Variants in ABCA8 observed in about 807,000 individuals in gnomAD.
ABCA8 encodes the protein ATP binding cassette subfamily A member 8, also known as ABC-type organic anion transporter ABCA8.
ABCA8 carries 177 observed loss-of-function variants against 192.3 expected under a neutral mutation model. The observed-to-expected ratio is 0.92, with a 90% CI of 0.81 to 1.04. ABCA8 has a LOEUF of 1.04. Among genes scored for constraint, ABCA8 ranks in the 50% least tolerant of loss-of-function variants. ABCA8 has a pLI of 0.00. For missense variants in ABCA8, 1,915 were observed against 1,904.8 expected (o/e 1.01, Z -0.10); for synonymous variants, 642 against 690.2 (o/e 0.93, Z 1.09).
intron 14 of ABCA8, among the ~76,000 whole-genome samples, 183 bp from the exon 15 acceptor site, chr17:68,918,729 C>G (rs1048749080): frequency 6.6e-6 from 1 of 151,942 alleles, no homozygotes; most frequent in Non-Finnish European, 1.5e-5. Context: ...GTGAGGAGTT[C>G]GAGACCAGCC....
chr17:68,907,983 A>C, intron 17 of ABCA8, 104 bp from the exon 18 acceptor site: 1 of 1,091,346 alleles, frequency 9.2e-7, no homozygotes, highest in Non-Finnish European at 1.2e-6. Context: ...ATCAATTAAA[A>C]TCTAATGCCA....
At chr17:68,915,995 C>G (rs953070680) in intron 17 of ABCA8, among the ~76,000 whole-genome samples, 2 of 152,046 alleles carry the variant, frequency 1.3e-5, no homozygotes, top group Non-Finnish European at 2.9e-5. Flanking sequence ...GAATGGAGAT[C>G]ATTATATTAA....
intron 5 of ABCA8, among the ~76,000 whole-genome samples, chr17:68,935,262 T>TTGTGTG (rs71144641): frequency 0.016 from 2,111 of 136,036 alleles, 57 homozygotes; most frequent in East Asian, 0.11. Context: ...GCCTGGCTAA[T>TTGTGTG]TGTGTGTGTG....
intron 5 of ABCA8, among the ~76,000 whole-genome samples, chr17:68,936,314 T>G (rs1353511176): frequency 6.6e-6 from 1 of 152,146 alleles, no homozygotes; most frequent in Non-Finnish European, 1.5e-5. Context: ...TAGGTTCAGG[T>G]CCTATGTTTA....
chr17:68,915,270 T>C (rs1458682282), intron 17 of ABCA8, among the ~76,000 whole-genome samples: 1 of 152,002 alleles, frequency 6.6e-6, no homozygotes, highest in African/African-American at 2.4e-5. Context: ...AAAGCTAAAA[T>C]GGACAAATGA....
chr17:68,947,300 C>T (rs2068437464), intron 2 of ABCA8, among the ~76,000 whole-genome samples: 2 of 151,938 alleles, frequency 1.3e-5, no homozygotes, highest in East Asian at 3.9e-4. Flanking sequence ...TCATGTTTTC[C>T]AGCAAATACT....
intron 7 of ABCA8, among the ~76,000 whole-genome samples, chr17:68,931,305 A>C (rs940315109): frequency 2.0e-5 from 3 of 152,232 alleles, no homozygotes; most frequent in Non-Finnish European, 2.9e-5. Context: ...CAAACATTAC[A>C]CCAATGACAG....
At chr17:68,917,888 G>A (rs2067418263) in intron 16 of ABCA8, among the ~76,000 whole-genome samples, 159 bp downstream of exon 16, 1 of 152,168 alleles carries the variant, frequency 6.6e-6, no homozygotes, top group Non-Finnish European at 1.5e-5. Flanking sequence ...TGAAATGGTT[G>A]CAAGAGGCTT....
intron 37 of ABCA8, among the ~76,000 whole-genome samples, chr17:68,871,953 C>A (rs557880731): frequency 6.6e-6 from 1 of 152,218 alleles, no homozygotes; most frequent in African/African-American, 2.4e-5. Context: ...GAGTGTACTA[C>A]TTCTACTTAT....
At chr17:68,880,846 T>C (rs968325777) in intron 32 of ABCA8, 1 of 447,878 alleles carries the variant, frequency 2.2e-6, no homozygotes, top group Non-Finnish European at 4.1e-6. Flanking sequence ...GTGGACAGAA[T>C]GAGCCCAGCG....
rs1401392574 is a variant in ABCA8 at position 68,911,136 on chromosome 17, CTCCTGGGG to C, written c.2139-3265_2139-3258del. On this transcript the variant is annotated intron_variant, in intron 17 of 39. Coordinates refer to ENST00000586539, the MANE Select transcript of ABCA8 (RefSeq NM_001288985.2). The surrounding 1 kb of genome is among the most constrained non-coding windows in gnomAD (Gnocchi z 5.7). ...AGTGGAGTAGAGAGCACCAAGCGGACTCCTGGGGTCCTGGATTCTAGGCCTTGGCTCCT... is the reference window on the plus strand; with the variant it reads ...AGTGGAGTAGAGAGCACCAAGCGGACTCCTGGATTCTAGGCCTTGGCTCCT... Among the ~76,000 whole-genome samples the C allele has an allele frequency of 6.6e-6, 1 of 152,160 alleles. No individual in the cohort carries two copies. The highest frequency in any genetic ancestry group is 1.5e-5 in the Non-Finnish European group (1 of 68,024).
At position 68,884,796 on chromosome 17, in the gene ABCA8, G is replaced by A. The variant is rs560563071; in HGVS notation, c.3549+400C>T. On this transcript the variant is annotated intron_variant, in intron 27 of 39. Coordinates refer to ENST00000586539, the MANE Select transcript of ABCA8 (RefSeq NM_001288985.2). Reference sequence around the variant, plus strand: ...CATGTACAGTAACTTCCTTCCTTTTGCATAGGTATAGGTATCAGTCAGCCA... The same window carrying A: ...CATGTACAGTAACTTCCTTCCTTTTACATAGGTATAGGTATCAGTCAGCCA... The A allele has an allele frequency of 1.2e-5, 12 of 985,166 alleles. No individual in the cohort carries two copies. In the African/African-American group the frequency reaches 1.7e-4, roughly 14 times the overall value. The allele number at this position is 985,166 out of a possible 1,614,324, so 61.0% of individuals were successfully genotyped here.
At chr17:68,875,023 C>G (rs1209905411) in intron 37 of ABCA8, among the ~76,000 whole-genome samples, 1 of 152,140 alleles carries the variant, frequency 6.6e-6, no homozygotes, top group Non-Finnish European at 1.5e-5. Context: ...GGTGAAAAGT[C>G]TCTGTAAGTT....
Position 68,929,098 on chromosome 17 carries a change from C to A in ABCA8, c.1076G>T (p.Trp359Leu). The A allele has an allele frequency of 6.3e-7, 1 of 1,599,614 alleles. No individual in the cohort carries two copies. Among genetic ancestry groups the A allele is most frequent in the South Asian group, 1.1e-5 (1 of 87,588 alleles). Residue 359 changes from tryptophan (W) to leucine (L), a missense_variant, in exon 9 of 40, where the codon TGG (tryptophan) becomes TTG (leucine). Coordinates refer to ENST00000586539, the MANE Select transcript of ABCA8 (RefSeq NM_001288985.2). ...LYRHLPASLEWILSLLSPFAF... is the reference protein window; with the variant it reads ...LYRHLPASLELILSLLSPFAF... Reference sequence around the variant, plus strand: ...AAAGGGACTAAGCAAGCTTAAAATCCACTCCAAGGATGCAGGAAGGTGTCT... The same window carrying A: ...AAAGGGACTAAGCAAGCTTAAAATCAACTCCAAGGATGCAGGAAGGTGTCT...
chr17:68,933,163 C>T lies in ABCA8; in HGVS notation c.570+5G>A. Reference sequence around the variant, plus strand: ...ATTAGTTTGCTTTGAACATTTTGTACTCACTTCTATAATAGCAGCATTAAT... The same window carrying T: ...ATTAGTTTGCTTTGAACATTTTGTATTCACTTCTATAATAGCAGCATTAAT... On this transcript the variant is annotated splice_donor_5th_base_variant and intron_variant, in intron 6 of 39. Coordinates refer to ENST00000586539, the MANE Select transcript of ABCA8 (RefSeq NM_001288985.2). 1 of 1,597,460 alleles carries T rather than the reference C, an allele frequency of 6.3e-7. No homozygotes were observed. The highest frequency in any genetic ancestry group is 8.6e-7 in the Non-Finnish European group (1 of 1,168,116).
intron 2 of ABCA8, among the ~76,000 whole-genome samples, chr17:68,945,709 A>G (rs893646472): frequency 6.6e-6 from 1 of 152,038 alleles, no homozygotes; most frequent in African/African-American, 2.4e-5. Flanking sequence ...TATTGTTCCA[A>G]CATGAACTAC....
intron 7 of ABCA8, among the ~76,000 whole-genome samples, chr17:68,931,502 T>A (rs2067876647): frequency 6.6e-6 from 1 of 152,226 alleles, no homozygotes; most frequent in African/African-American, 2.4e-5. Flanking sequence ...CTCAAAGTTT[T>A]TTTATTTACT....
chr17:68,934,110 C>T (rs1160530267), intron 5 of ABCA8, among the ~76,000 whole-genome samples: 1 of 152,054 alleles, frequency 6.6e-6, no homozygotes, highest in Non-Finnish European at 1.5e-5. Flanking sequence ...AAATTAAACT[C>T]TACTAATAAT....
intron 1 of ABCA8, among the ~76,000 whole-genome samples, chr17:68,954,334 C>T: frequency 6.6e-6 from 1 of 152,050 alleles, no homozygotes; most frequent in East Asian, 1.9e-4. Context: ...GATCTCCTCA[C>T]TATGGAATCA....
Sources: allele counts gnomAD v4.1 joint callset (sites outside exome capture counted in the v4.1 genomes callset), GRCh38; gene constraint gnomAD v4.1.1; non-coding constraint Gnocchi (gnomAD v3.1); transcripts MANE v1.5; gene names NCBI Gene and HGNC (gene_info 2026-07-23, HGNC 2026-07-21).